The following PSMA3 variants were observed in gnomAD, a reference collection of about 807,000 sequenced individuals.
PSMA3 encodes the protein proteasome 20S subunit alpha 3, also known as proteasome subunit alpha type-3.
In PSMA3, 8 loss-of-function variants were observed where a neutral mutation model predicts 40.0. That is an observed-to-expected ratio of 0.20 (90% confidence interval 0.12 to 0.36). The LOEUF (loss-of-function observed/expected upper bound fraction) is 0.36. Ranked by LOEUF, PSMA3 falls within the 10% of genes least tolerant of loss-of-function variation. PSMA3 has a pLI of 1.00. For synonymous variants in PSMA3, 110 were observed against 100.0 expected (o/e 1.10, Z -0.59); for missense variants, 219 against 310.6 (o/e 0.70, Z 2.22).
chr14:58,250,659 A>C (rs551578047), intron 2 of PSMA3, among the ~76,000 whole-genome samples: 1 of 152,238 alleles, frequency 6.6e-6, no homozygotes, highest in African/African-American at 2.4e-5. Context: ...TCTGTTGTTC[A>C]TTTTTCTGGG....
chr14:58,253,071 G>A (rs186451338), intron 3 of PSMA3, among the ~76,000 whole-genome samples: 2 of 150,322 alleles, frequency 1.3e-5, no homozygotes, highest in African/African-American at 4.9e-5. Flanking sequence ...TGCAGCCTCT[G>A]CCTCCTGGGT....
At chr14:58,245,063 C>A in intron 1 of PSMA3, 122 bp downstream of exon 1, 1 of 1,274,690 alleles carries the variant, frequency 7.8e-7, no homozygotes, top group Non-Finnish European at 1.1e-6. Context: ...GCTGGGTGGG[C>A]CATTTGCAGC....
At chr14:58,269,187 C>T (rs1890537145) in intron 8 of PSMA3, among the ~76,000 whole-genome samples, 1 of 152,122 alleles carries the variant, frequency 6.6e-6, no homozygotes, top group Admixed American at 6.5e-5. Context: ...CCACCTTGGC[C>T]TCCCAAAGTG....
chr14:58,255,074 G>C (rs1444195879), intron 3 of PSMA3, among the ~76,000 whole-genome samples: 1 of 152,034 alleles, frequency 6.6e-6, no homozygotes, highest in Non-Finnish European at 1.5e-5. Flanking sequence ...TACCTTAAGT[G>C]TCTCAGTAGT....
intron 5 of PSMA3, among the ~76,000 whole-genome samples, chr14:58,259,233 C>CT (rs1163840098): frequency 2.0e-5 from 3 of 152,158 alleles, no homozygotes; most frequent in Non-Finnish European, 4.4e-5. Flanking sequence ...CAACTGAGCT[C>CT]TGAGTTCATC....
intron 10 of PSMA3, 125 bp from the exon 11 acceptor site, chr14:58,271,725 TG>T (rs1566646829): frequency 2.9e-6 from 2 of 682,592 alleles, no homozygotes; most frequent in African/African-American, 3.6e-5. Flanking sequence ...ATTCTGAAAC[TG>T]TTCATTCAGT....
At chr14:58,250,734 A>G (rs560712485) in intron 2 of PSMA3, among the ~76,000 whole-genome samples, 6 of 152,330 alleles carry the variant, frequency 3.9e-5, no homozygotes, top group Admixed American at 3.3e-4. Flanking sequence ...CCTGCTTTTT[A>G]GATTGTGGAT....
At chr14:58,254,072 T>C (rs913493414) in intron 3 of PSMA3, among the ~76,000 whole-genome samples, 2 of 151,702 alleles carry the variant, frequency 1.3e-5, no homozygotes, top group African/African-American at 4.8e-5. Flanking sequence ...CACCCTCAAG[T>C]AGGCCCCATT....
chr14:58,245,458 A>G (rs762068926), intron 1 of PSMA3: 1 of 153,302 alleles, frequency 6.5e-6, no homozygotes, highest in Non-Finnish European at 1.5e-5. Flanking sequence ...AACAGAACTA[A>G]TAAAAATGGT....
chr14:58,253,513 T>A (rs994187469), intron 3 of PSMA3, among the ~76,000 whole-genome samples: 1 of 152,200 alleles, frequency 6.6e-6, no homozygotes, highest in African/African-American at 2.4e-5. Context: ...ATAAAGCTAA[T>A]TTTTTTCTTC....
At chr14:58,269,185 G>A (rs1406550646) in intron 8 of PSMA3, among the ~76,000 whole-genome samples, 1 of 151,994 alleles carries the variant, frequency 6.6e-6, no homozygotes, top group Non-Finnish European at 1.5e-5. Flanking sequence ...ACCCACCTTG[G>A]CCTCCCAAAG....
Position 58,258,009 on chromosome 14 carries a change from T to A in PSMA3, c.404+11T>A, listed in dbSNP as rs1030162438. 1 of 1,601,728 alleles carries A rather than the reference T, an allele frequency of 6.2e-7. No homozygotes were observed. Among genetic ancestry groups the A allele is most frequent in the East Asian group, 2.2e-5 (1 of 44,786 alleles). ...ACCTTTTGGCTGCAGGTAAGAAATT[T>A]TGTGAATTATTCAAAAGGCAGATCT... On this transcript the variant is annotated intron_variant, in intron 5 of 10. Coordinates refer to ENST00000216455, the MANE Select transcript of PSMA3 (RefSeq NM_002788.4).
intron 10 of PSMA3, among the ~76,000 whole-genome samples, 169 bp downstream of exon 10, chr14:58,271,167 G>C (rs1890607835): frequency 6.6e-6 from 1 of 151,378 alleles, no homozygotes. Context: ...AGACTGGGGT[G>C]GTTTCTATGA....
Position 58,249,690 on chromosome 14 carries a change from G to C in PSMA3, c.104+1858G>C, listed in dbSNP as rs544470519. ...CACCACGCCTGGCAAATTTTTTGTAGAGACAGGGTTTCACCATGTGGCCCA... is the reference window on the plus strand; with the variant it reads ...CACCACGCCTGGCAAATTTTTTGTACAGACAGGGTTTCACCATGTGGCCCA... On this transcript the variant is annotated intron_variant, in intron 2 of 10. Transcript: ENST00000216455. 2.6e-5 allele frequency among the ~76,000 whole-genome samples: 4 copies of C among 152,004 alleles called. No individual in the cohort carries two copies. In the East Asian group the frequency reaches 7.8e-4, roughly 30 times the overall value.
At chr14:58,245,102 T>C in intron 1 of PSMA3, 161 bp downstream of exon 1, 1 of 841,586 alleles carries the variant, frequency 1.2e-6, no homozygotes, top group Non-Finnish European at 2.0e-6. Context: ...CTTTATCCCC[T>C]ATATGCTAGG....
At position 58,244,855 on chromosome 14, in the gene PSMA3, C is replaced by T; in HGVS notation, c.-66C>T. 1.2e-6 allele frequency: 2 copies of T among 1,610,368 alleles called. No homozygotes were observed. Among genetic ancestry groups the T allele is most frequent in the South Asian group, 1.1e-5 (1 of 90,984 alleles). ...GAGCGGGCCTGTTACTAGTTTGCGG[C>T]ATCCTGTGGTATAGGGGAAGCGCTC... On this transcript the variant is annotated 5_prime_UTR_variant, in exon 1 of 11. Transcript: ENST00000216455.
chr14:58,255,129 T>A (rs1344469463), intron 3 of PSMA3, among the ~76,000 whole-genome samples: 1 of 152,178 alleles, frequency 6.6e-6, no homozygotes, highest in Non-Finnish European at 1.5e-5. Context: ...ATGGTTTCAT[T>A]TATTAAGTAT....
intron 5 of PSMA3, among the ~76,000 whole-genome samples, chr14:58,259,193 CTT>C (rs963835187): frequency 1.4e-4 from 22 of 152,184 alleles, no homozygotes; most frequent in African/African-American, 5.3e-4. Context: ...TTATGAAACA[CTT>C]TGTTTTCAGA....
At chr14:58,252,286 C>T in intron 3 of PSMA3, 44 bp downstream of exon 3, 1 of 1,584,028 alleles carries the variant, frequency 6.3e-7, no homozygotes, top group Non-Finnish European at 8.6e-7. Flanking sequence ...TGTCCAATTT[C>T]TTTTGAAGTA....
Sources: gnomAD v4.1 joint callset for allele counts (sites outside exome capture counted in the v4.1 genomes callset) on GRCh38, gnomAD v4.1.1 for gene constraint, MANE v1.5 for transcripts, NCBI Gene and HGNC (gene_info 2026-07-23, HGNC 2026-07-21) for gene names.